Variants in NBAS observed in about 807,000 individuals in gnomAD.
NBAS encodes the protein NBAS subunit of NRZ tethering complex, also known as NAG/BC035112 fusion.
NBAS carries 219 observed loss-of-function variants against 302.5 expected under a neutral mutation model. The observed-to-expected ratio is 0.72, with a 90% confidence interval of 0.65 to 0.81. The LOEUF (loss-of-function observed/expected upper bound fraction) is 0.81, where lower values mean the gene tolerates loss of function less well. Among genes scored for constraint, NBAS ranks in the 30% least tolerant of loss-of-function variants. The pLI, the probability that NBAS is intolerant of heterozygous loss-of-function variation, is 0.00. For missense variants in NBAS, 2,932 were observed against 2,841.6 expected, an observed-to-expected ratio of 1.03 and a Z score of -0.72; for synonymous variants, 1,118 against 1,021.6, an observed-to-expected ratio of 1.09 and a Z score of -1.80.
intron 44 of NBAS, among the ~76,000 whole-genome samples, chr2:15,264,472 C>A (rs1393373875): frequency 1.3e-5 from 2 of 152,130 alleles, no homozygotes; most frequent in Non-Finnish European, 2.9e-5. Context: ...AATTTTCAAT[C>A]TCTCCTACTA....
At chr2:14,932,061 T>G in the NBAS span, among the ~76,000 whole-genome samples, 1 of 152,234 alleles carries the variant, frequency 6.6e-6, no homozygotes, top group Non-Finnish European at 1.5e-5. Flanking sequence ...TGTCTTTACT[T>G]CTCATTGCAG....
chr2:14,873,248 T>G, the NBAS span, among the ~76,000 whole-genome samples: 1 of 150,524 alleles, frequency 6.6e-6, no homozygotes. Context: ...AGACACAGAG[T>G]GCTGACTGAT....
rs193172851 is a variant in NBAS, at chr2:15,349,212, G to A, written c.4179+2780C>T. On this transcript the variant is annotated intron_variant, in intron 35 of 51. Transcript: ENST00000281513. ...CTGGACAAGTTGTGGAGGGATCAGA[G>A]GTTCAAAAGGAACAAAACTTCAGAT... is the stretch of plus-strand genomic sequence containing the variant. Among the ~76,000 whole-genome samples the A allele has an allele frequency of 1.1e-3, 164 of 152,192 alleles. 1 individual carries two copies. The highest frequency in any genetic ancestry group is 1.9e-3 in the Non-Finnish European group (131 of 67,990).
the NBAS span, among the ~76,000 whole-genome samples, chr2:14,925,626 T>C: frequency 6.6e-6 from 1 of 152,162 alleles, no homozygotes; most frequent in African/African-American, 2.4e-5. Context: ...CATGGCAAAA[T>C]TGCATTCATC....
At chr2:14,932,212 G>T in the NBAS span, among the ~76,000 whole-genome samples, 1 of 152,156 alleles carries the variant, frequency 6.6e-6, no homozygotes, top group East Asian at 1.9e-4. Flanking sequence ...ATTGCCAGGA[G>T]CTGGCATGAA....
chr2:15,460,738 T>C (rs552012866), intron 21 of NBAS, among the ~76,000 whole-genome samples: 2 of 152,334 alleles, frequency 1.3e-5, no homozygotes, highest in East Asian at 1.9e-4. Context: ...ATTAGTCTAG[T>C]GGTAAAGCAA....
At chr2:14,783,074 A>T in the NBAS span, among the ~76,000 whole-genome samples, 11 of 152,146 alleles carry the variant, frequency 7.2e-5, no homozygotes, top group Non-Finnish European at 1.0e-4. Flanking sequence ...GTTTACCTAT[A>T]TAACAAACCT....
chr2:15,521,725 G>C (rs1263992056), intron 9 of NBAS, among the ~76,000 whole-genome samples: 3 of 152,154 alleles, frequency 2.0e-5, no homozygotes, highest in African/African-American at 7.2e-5. Flanking sequence ...ATGACATTTT[G>C]AGATATACAG....
intron 32 of NBAS, among the ~76,000 whole-genome samples, chr2:15,363,786 A>G (rs996897081): frequency 6.6e-6 from 1 of 152,196 alleles, no homozygotes; most frequent in Non-Finnish European, 1.5e-5. Flanking sequence ...TTAATTCAAG[A>G]CAATTCCAAT....
At chr2:14,868,500 G>A in the NBAS span, among the ~76,000 whole-genome samples, 1 of 152,112 alleles carries the variant, frequency 6.6e-6, no homozygotes, top group Admixed American at 6.6e-5. Context: ...ACTGGTACAT[G>A]GTATTACTGA....
chr2:15,237,816 C>A (rs1667670808), intron 45 of NBAS, among the ~76,000 whole-genome samples: 1 of 149,032 alleles, frequency 6.7e-6, no homozygotes, highest in Non-Finnish European at 1.5e-5. Context: ...GCTCTGTCGC[C>A]CAGGCTGGAG....
At chr2:14,788,846 AC>A in the NBAS span, among the ~76,000 whole-genome samples, 1 of 152,328 alleles carries the variant, frequency 6.6e-6, no homozygotes, top group African/African-American at 2.4e-5. Context: ...TGGGAGAACC[AC>A]TGCTCTCTTC....
At chr2:15,260,508 C>T (rs933518832) in intron 44 of NBAS, among the ~76,000 whole-genome samples, 1 of 152,018 alleles carries the variant, frequency 6.6e-6, no homozygotes, top group Non-Finnish European at 1.5e-5. Flanking sequence ...AACCAACTGG[C>T]CAATGGTGAG....
intron 32 of NBAS, among the ~76,000 whole-genome samples, chr2:15,357,243 A>G (rs1673664763): frequency 6.6e-6 from 1 of 152,196 alleles, no homozygotes; most frequent in Admixed American, 6.5e-5. Flanking sequence ...GAAACAGTAA[A>G]ATCAGAAACA....
intron 9 of NBAS, among the ~76,000 whole-genome samples, chr2:15,518,048 T>C (rs189267847): frequency 2.2e-4 from 34 of 152,192 alleles, no homozygotes; most frequent in Non-Finnish European, 1.2e-4. Context: ...TCTCCCTTTT[T>C]TTTAAACTTA....
chr2:15,230,752 C>A (rs2147923421), intron 47 of NBAS, among the ~76,000 whole-genome samples: 1 of 152,304 alleles, frequency 6.6e-6, no homozygotes, highest in Non-Finnish European at 1.5e-5. Flanking sequence ...CTGCGGATGG[C>A]AGCTCCCTGG....
chr2:15,275,270 T>A (rs536830163), intron 44 of NBAS, among the ~76,000 whole-genome samples: 3 of 152,174 alleles, frequency 2.0e-5, no homozygotes, highest in Admixed American at 6.5e-5. Context: ...ATGAGAATAG[T>A]CATCTCTATT....
intron 38 of NBAS, among the ~76,000 whole-genome samples, chr2:15,313,243 C>A (rs1671357583): frequency 6.6e-6 from 1 of 152,132 alleles, no homozygotes; most frequent in Non-Finnish European, 1.5e-5. Flanking sequence ...CATGCCATTG[C>A]TTTGTATAAC....
At chr2:15,316,264 C>T (rs1671504530) in intron 38 of NBAS, among the ~76,000 whole-genome samples, 1 of 152,200 alleles carries the variant, frequency 6.6e-6, no homozygotes, top group South Asian at 2.1e-4. Flanking sequence ...TCCAAGACAG[C>T]CAAATAGGAA....
Sources: gnomAD v4.1 joint callset for allele counts (sites outside exome capture counted in the v4.1 genomes callset) on GRCh38, gnomAD v4.1.1 for gene constraint, MANE v1.5 for transcripts, NCBI Gene and HGNC (gene_info 2026-07-23, HGNC 2026-07-21) for gene names.